The following NEGR1 variants were observed in gnomAD, a reference collection of about 807,000 sequenced individuals.
The protein encoded by NEGR1 is IgLON family member 4.
NEGR1 carries 10 observed loss-of-function variants against 40.9 expected under a neutral mutation model. The ratio of observed to expected loss-of-function variants is 0.24; its 90% CI spans 0.15 to 0.42. The LOEUF is 0.42. NEGR1 is among the 10% of genes least tolerant of loss of function. NEGR1 has a pLI of 1.00. For missense variants in NEGR1, 352 were observed against 438.9 expected, an observed-to-expected ratio of 0.80 and a Z score of 1.77; for synonymous variants, 185 against 166.8, an observed-to-expected ratio of 1.11 and a Z score of -0.84.
chr1:71,849,458 G>A (rs1026258568), intron 2 of NEGR1, among the ~76,000 whole-genome samples: 14 of 152,112 alleles, frequency 9.2e-5, no homozygotes, highest in Non-Finnish European at 1.8e-4. Context: ...GATGAATAAA[G>A]AAAATGATTT....
chr1:71,483,572 C>G (rs1397271362), intron 6 of NEGR1, among the ~76,000 whole-genome samples: 1 of 150,970 alleles, frequency 6.6e-6, no homozygotes, highest in African/African-American at 2.5e-5. Flanking sequence ...ACAAAGGTAT[C>G]AAACTTTTAA....
At chr1:72,252,747 G>A (rs1424085564) in intron 1 of NEGR1, among the ~76,000 whole-genome samples, 1 of 152,086 alleles carries the variant, frequency 6.6e-6, no homozygotes, top group Non-Finnish European at 1.5e-5. Flanking sequence ...AATTCATTAG[G>A]ACCCATGTCC....
chr1:72,174,004 G>T (rs892126756), intron 1 of NEGR1, among the ~76,000 whole-genome samples: 1 of 152,002 alleles, frequency 6.6e-6, no homozygotes, highest in African/African-American at 2.4e-5. Context: ...TTCCTGGAAT[G>T]CTTATAATAA....
intron 1 of NEGR1, among the ~76,000 whole-genome samples, chr1:72,175,684 TA>T (rs535705252): frequency 1.0e-3 from 149 of 147,980 alleles, no homozygotes; most frequent in South Asian, 2.8e-3. Flanking sequence ...AGGGGTAAAT[TA>T]AAAAAAAAAC....
At chr1:71,456,866 C>T (rs74089368) in intron 6 of NEGR1, among the ~76,000 whole-genome samples, 5,111 of 152,156 alleles carry the variant, frequency 0.034, 299 homozygotes, top group African/African-American at 0.12. Context: ...TGTTTTTATT[C>T]TGGCATGCTG....
At chr1:72,210,834 G>A (rs1653577543) in intron 1 of NEGR1, among the ~76,000 whole-genome samples, 1 of 151,780 alleles carries the variant, frequency 6.6e-6, no homozygotes, top group East Asian at 1.9e-4. Context: ...ATATAACAGA[G>A]TAAAAAACAA....
chr1:71,799,379 C>A (rs919343751), intron 2 of NEGR1, among the ~76,000 whole-genome samples: 3 of 152,100 alleles, frequency 2.0e-5, no homozygotes, highest in Admixed American at 2.0e-4. Context: ...TGAACTCATT[C>A]TTTTTTATGG....
intron 6 of NEGR1, among the ~76,000 whole-genome samples, chr1:71,540,982 A>G (rs1198397364): frequency 2.0e-5 from 3 of 151,476 alleles, no homozygotes; most frequent in African/African-American, 7.3e-5. Flanking sequence ...AGAAGACAAG[A>G]TCTCATGAGA....
rs377263893 is a variant in NEGR1, at chr1:72,168,051, GC to G, written c.176+114267del. 8.9e-3 allele frequency among the ~76,000 whole-genome samples: 1,332 copies of G among 150,364 alleles called. 22 individuals are homozygous for G. Among genetic ancestry groups the G allele is most frequent in the African/African-American group, 0.031 (1,268 of 40,852 alleles). On this transcript the variant is annotated intron_variant, in intron 1 of 6. Transcript: ENST00000357731. ...ACAAGCATCTCACTCTGTCACCCAG[GC>G]TGGAGTGCAGTGGCGTGATCTCGGC...
chr1:71,572,564 T>G (rs1326075462), intron 6 of NEGR1, among the ~76,000 whole-genome samples: 1 of 152,252 alleles, frequency 6.6e-6, no homozygotes, highest in East Asian at 1.9e-4. Context: ...TGCAAAGTCC[T>G]GCTTAAGCAT....
At chr1:71,678,680 C>A (rs1652727123) in intron 4 of NEGR1, among the ~76,000 whole-genome samples, 1 of 151,980 alleles carries the variant, frequency 6.6e-6, no homozygotes, top group Admixed American at 6.6e-5. Flanking sequence ...CTTATTTGTT[C>A]AACATTTTGT....
intron 1 of NEGR1, among the ~76,000 whole-genome samples, chr1:72,236,605 C>T (rs867141101): frequency 6.6e-6 from 1 of 151,718 alleles, no homozygotes; most frequent in African/African-American, 2.4e-5. Flanking sequence ...TCAGTATTGC[C>T]TACTAGTTGT....
At chr1:72,236,202 T>C (rs1654539162) in intron 1 of NEGR1, among the ~76,000 whole-genome samples, 1 of 151,938 alleles carries the variant, frequency 6.6e-6, no homozygotes, top group Non-Finnish European at 1.5e-5. Flanking sequence ...AAACACCACA[T>C]ATTCTCACTC....
chr1:71,410,317 T>A (rs2101261226), intron 6 of NEGR1, among the ~76,000 whole-genome samples: 1 of 152,218 alleles, frequency 6.6e-6, no homozygotes, highest in East Asian at 1.9e-4. Context: ...TAATGTGAGA[T>A]CAGATACCTA....
intron 1 of NEGR1, among the ~76,000 whole-genome samples, chr1:72,066,752 C>T (rs941290501): frequency 2.2e-4 from 33 of 152,106 alleles, no homozygotes; most frequent in Non-Finnish European, 2.6e-4. Context: ...CTTAGACCAC[C>T]AGCCTCCAGA....
chr1:71,987,226 A>G (rs1646402888), intron 1 of NEGR1, among the ~76,000 whole-genome samples: 1 of 152,176 alleles, frequency 6.6e-6, no homozygotes, highest in Non-Finnish European at 1.5e-5. Context: ...TATAACCTTC[A>G]CTTACTGAAT....
intron 1 of NEGR1, among the ~76,000 whole-genome samples, chr1:72,134,378 G>C (rs1650370408): frequency 6.6e-6 from 1 of 151,544 alleles, no homozygotes. Flanking sequence ...CTAATGTTTT[G>C]TATTTTTAGT....
intron 1 of NEGR1, among the ~76,000 whole-genome samples, chr1:72,139,348 A>C (rs1156856116): frequency 6.6e-6 from 1 of 151,912 alleles, no homozygotes; most frequent in Non-Finnish European, 1.5e-5. Flanking sequence ...AAAAAACAAC[A>C]AACAAAAGTT....
intron 6 of NEGR1, among the ~76,000 whole-genome samples, chr1:71,578,072 G>A (rs532396907): frequency 1.3e-5 from 2 of 152,178 alleles, no homozygotes; most frequent in East Asian, 1.9e-4. Flanking sequence ...TAAAGGCTGC[G>A]ATACTTCTTT....
Sources: gnomAD v4.1 joint callset for allele counts (sites outside exome capture counted in the v4.1 genomes callset) on GRCh38, gnomAD v4.1.1 for gene constraint, MANE v1.5 for transcripts, NCBI Gene and HGNC (gene_info 2026-07-23, HGNC 2026-07-21) for gene names.